The following SMYD2 variants were observed in gnomAD, a reference collection of about 807,000 sequenced individuals.
SMYD2 encodes N-lysine methyltransferase SMYD2.
In SMYD2, 53 loss-of-function variants were observed where a neutral mutation model predicts 59.1. That is an observed-to-expected ratio of 0.90 (90% CI 0.72 to 1.13). SMYD2 has a LOEUF of 1.13. Ranked by LOEUF, SMYD2 falls within the 50% of genes most tolerant of loss-of-function variation. SMYD2 has a pLI of 0.00. For missense variants in SMYD2, 494 were observed against 544.7 expected (o/e 0.91, Z 0.93); for synonymous variants, 208 against 198.8 (o/e 1.05, Z -0.39).
At chr1:214,293,011 TTGTGTG>T (rs58012666) in intron 1 of SMYD2, among the ~76,000 whole-genome samples, 5,647 of 137,236 alleles carry the variant, frequency 0.041, 167 homozygotes, top group South Asian at 0.097. Flanking sequence ...CTTTTTCTGT[TTGTGTG>T]TGTGTGTGTG....
intron 10 of SMYD2, chr1:214,332,924 G>C (rs1311043738): frequency 1.3e-5 from 2 of 152,162 alleles, no homozygotes; most frequent in Admixed American, 6.5e-5. Flanking sequence ...TGGGCCAAGT[G>C]AATCAGGGTC....
intron 1 of SMYD2, among the ~76,000 whole-genome samples, chr1:214,283,903 A>C (rs906416088): frequency 3.9e-5 from 6 of 152,208 alleles, no homozygotes; most frequent in African/African-American, 1.4e-4. Flanking sequence ...CTTTTTTTGA[A>C]GAAAAGAAAA....
chr1:214,327,629 T>C lies in SMYD2; in HGVS notation c.610T>C (p.Leu204=). 1 of 1,614,150 alleles carries C rather than the reference T, an allele frequency of 6.2e-7. No homozygotes were observed. The highest frequency in any genetic ancestry group is 8.5e-7 in the Non-Finnish European group (1 of 1,179,958). The change falls in exon 7 of 12, where the codon TTG becomes CTG. Residue 204 remains leucine (L), a synonymous_variant. Transcript: ENST00000366957. ...LGSAIFPDVA[L]MNHSCCPNVI... ...TTCTCTTCTGACTGACAGTGTTGCATTGATGAATCATAGCTGTTGCCCCAA... is the reference window on the plus strand; with the variant it reads ...TTCTCTTCTGACTGACAGTGTTGCACTGATGAATCATAGCTGTTGCCCCAA...
intron 1 of SMYD2, among the ~76,000 whole-genome samples, chr1:214,304,021 T>C (rs1425136371): frequency 1.3e-5 from 2 of 152,260 alleles, no homozygotes; most frequent in African/African-American, 4.8e-5. Flanking sequence ...TTTTGTAGTA[T>C]GTGGCTTAAT....
At chr1:214,285,511 C>T (rs1044653436) in intron 1 of SMYD2, among the ~76,000 whole-genome samples, 1 of 152,168 alleles carries the variant, frequency 6.6e-6, no homozygotes, top group Non-Finnish European at 1.5e-5. Flanking sequence ...TGAATACATG[C>T]TCTAATAAAG....
At chr1:214,316,750 G>A (rs1347287991) in intron 3 of SMYD2, among the ~76,000 whole-genome samples, 14 of 152,238 alleles carry the variant, frequency 9.2e-5, no homozygotes, top group Admixed American at 2.6e-4. Flanking sequence ...CCAGCCAGCC[G>A]AGAGTAACAA....
At chr1:214,301,481 TCTC>T (rs1027970352) in intron 1 of SMYD2, among the ~76,000 whole-genome samples, 1 of 152,146 alleles carries the variant, frequency 6.6e-6, no homozygotes, top group Admixed American at 6.5e-5. Context: ...ATTGTACAGA[TCTC>T]CTGAAAATTG....
chr1:214,305,576 T>G (rs1656904403), intron 2 of SMYD2, among the ~76,000 whole-genome samples: 1 of 152,206 alleles, frequency 6.6e-6, no homozygotes, highest in African/African-American at 2.4e-5. Context: ...AATGCTATCT[T>G]TAAGTTTTTA....
intron 5 of SMYD2, among the ~76,000 whole-genome samples, chr1:214,319,234 AGT>A (rs1328348245): frequency 6.6e-6 from 1 of 152,190 alleles, no homozygotes; most frequent in Non-Finnish European, 1.5e-5. Flanking sequence ...CCTCACAAAG[AGT>A]TCATGAAAAC....
At chr1:214,283,731 A>G (rs1266274227) in intron 1 of SMYD2, among the ~76,000 whole-genome samples, 3 of 152,156 alleles carry the variant, frequency 2.0e-5, no homozygotes, top group Non-Finnish European at 4.4e-5. Context: ...GGAAATGTTC[A>G]TACTTACAGG....
chr1:214,305,336 G>A (rs1656899656), intron 2 of SMYD2, 86 bp downstream of exon 2: 2 of 1,286,224 alleles, frequency 1.6e-6, no homozygotes, highest in Admixed American at 1.7e-5. Flanking sequence ...GCGCCCTCCT[G>A]GAGCCAGAGC....
At position 214,286,969 on chromosome 1, in the gene SMYD2, C is replaced by T. The variant is rs143096686; in HGVS notation, c.173+5542C>T. On this transcript the variant is annotated intron_variant, in intron 1 of 11. Transcript: ENST00000366957. ...TCAGCCTGGTGAGTAGCTGGGATTACAGGCATGCACCACCATGCCTGGCTA... is the reference window on the plus strand; with the variant it reads ...TCAGCCTGGTGAGTAGCTGGGATTATAGGCATGCACCACCATGCCTGGCTA... Among the ~76,000 whole-genome samples the T allele has an allele frequency of 9.1e-3, 1,372 of 151,542 alleles. 31 individuals carry two copies. Among genetic ancestry groups the T allele is most frequent in the African/African-American group, 0.032 (1,310 of 41,298 alleles).
intron 2 of SMYD2, among the ~76,000 whole-genome samples, chr1:214,309,432 G>A (rs1656964705): frequency 6.6e-6 from 1 of 152,106 alleles, no homozygotes; most frequent in Non-Finnish European, 1.5e-5. Flanking sequence ...TTGTTATATA[G>A]AATAATCATT....
chr1:214,326,734 G>A (rs1410718005), intron 6 of SMYD2, among the ~76,000 whole-genome samples: 2 of 152,010 alleles, frequency 1.3e-5, no homozygotes, highest in Admixed American at 1.3e-4. Flanking sequence ...TTGTATTCTC[G>A]GAGCAAGCAG....
chr1:214,308,023 G>A (rs754189475), intron 2 of SMYD2, among the ~76,000 whole-genome samples: 1 of 152,238 alleles, frequency 6.6e-6, no homozygotes, highest in Non-Finnish European at 1.5e-5. Flanking sequence ...AAGGCTGCAG[G>A]CCAAGAGAGC....
chr1:214,334,532 T>C (rs1267556728), intron 11 of SMYD2, among the ~76,000 whole-genome samples: 1 of 152,074 alleles, frequency 6.6e-6, no homozygotes, highest in Non-Finnish European at 1.5e-5. Flanking sequence ...AGGGAATGGG[T>C]GCCCACATCC....
intron 2 of SMYD2, among the ~76,000 whole-genome samples, chr1:214,306,570 C>T (rs1459331458): frequency 1.3e-5 from 2 of 152,144 alleles, no homozygotes; most frequent in East Asian, 1.9e-4. Context: ...GTTGAGTTTT[C>T]GGGGAGGGTG....
intron 1 of SMYD2, among the ~76,000 whole-genome samples, chr1:214,301,053 A>G (rs1258514461): frequency 6.6e-6 from 1 of 152,228 alleles, no homozygotes; most frequent in Admixed American, 6.5e-5. Context: ...TGTGAGAAAT[A>G]TCTTCCAAAA....
In SMYD2 at chr1:214,308,926, G is replaced by C. The variant is rs1482266335; in HGVS notation, c.237+3676G>C. ...AGGTTCTGTGGGAATGTCAGAGAAAGAGAAGTGGCCTTCAGTGGATGTGAA... is the reference window on the plus strand; with the variant it reads ...AGGTTCTGTGGGAATGTCAGAGAAACAGAAGTGGCCTTCAGTGGATGTGAA... On this transcript the variant is annotated intron_variant, in intron 2 of 11. Transcript: ENST00000366957. Among the ~76,000 whole-genome samples the C allele has an allele frequency of 2.0e-5, 3 of 152,182 alleles. 1 individual carries two copies. The East Asian group carries it at 5.8e-4, about 29-fold the overall frequency.
Sources: allele counts gnomAD v4.1 joint callset (sites outside exome capture counted in the v4.1 genomes callset), GRCh38; gene constraint gnomAD v4.1.1; transcripts MANE v1.5; gene names NCBI Gene and HGNC (gene_info 2026-07-23, HGNC 2026-07-21).